The following RGS6 variants were observed in gnomAD, a reference collection of about 807,000 sequenced individuals.
RGS6 encodes regulator of G protein signaling 6.
RGS6 carries 30 observed loss-of-function variants against 78.5 expected under a neutral mutation model. That is an observed-to-expected ratio of 0.38 (90% CI 0.29 to 0.52). RGS6 has a LOEUF of 0.52. Among genes scored for constraint, RGS6 ranks in the 20% least tolerant of loss-of-function variants. The pLI is 0.85. For missense variants in RGS6, 495 were observed against 609.7 expected (o/e 0.81, Z 1.98); for synonymous variants, 206 against 206.0 (o/e 1.00, Z 0.00).
chr14:72,275,759 T>C (rs930778026), intron 2 of RGS6, among the ~76,000 whole-genome samples: 14 of 152,266 alleles, frequency 9.2e-5, no homozygotes, highest in Admixed American at 7.2e-4. Flanking sequence ...TGTGGGTTAT[T>C]TGAGCTTCTA....
chr14:72,170,569 T>C (rs1487631370), intron 2 of RGS6, among the ~76,000 whole-genome samples: 1 of 152,208 alleles, frequency 6.6e-6, no homozygotes, highest in Non-Finnish European at 1.5e-5. Flanking sequence ...CGTTTTCATC[T>C]CTCTTAACTC....
chr14:72,274,100 G>A (rs893205904), intron 2 of RGS6, among the ~76,000 whole-genome samples: 5 of 152,194 alleles, frequency 3.3e-5, no homozygotes, highest in African/African-American at 1.2e-4. Flanking sequence ...ATCTGAGGAA[G>A]GGAGTCATTT....
chr14:72,087,883 A>G (rs1423654685), intron 2 of RGS6, among the ~76,000 whole-genome samples: 1 of 152,190 alleles, frequency 6.6e-6, no homozygotes, highest in African/African-American at 2.4e-5. Flanking sequence ...GGATGAGCTC[A>G]TTCATCACAA....
At chr14:72,143,705 G>C (rs562426756) in intron 2 of RGS6, among the ~76,000 whole-genome samples, 2 of 152,052 alleles carry the variant, frequency 1.3e-5, no homozygotes, top group Non-Finnish European at 2.9e-5. Flanking sequence ...TCTTCTATCA[G>C]AACACGTCTT....
intron 2 of RGS6, among the ~76,000 whole-genome samples, chr14:72,193,198 T>A (rs974511869): frequency 5.3e-5 from 8 of 152,174 alleles, no homozygotes; most frequent in Admixed American, 2.6e-4. Context: ...TTCGCCATGT[T>A]GGCCAGGCTG....
chr14:72,321,909 C>G (rs2152518754), intron 2 of RGS6, among the ~76,000 whole-genome samples: 1 of 151,970 alleles, frequency 6.6e-6, no homozygotes, highest in South Asian at 2.1e-4. Flanking sequence ...TACTTTAGAC[C>G]ACACAGAAAA....
chr14:72,241,060 G>A (rs1370904243), intron 2 of RGS6, among the ~76,000 whole-genome samples: 1 of 151,730 alleles, frequency 6.6e-6, no homozygotes, highest in Non-Finnish European at 1.5e-5. Context: ...GGGAGACTGA[G>A]GCAGGAGAAT....
At chr14:72,592,597 G>T in the RGS6 span, among the ~76,000 whole-genome samples, 2 of 152,042 alleles carry the variant, frequency 1.3e-5, no homozygotes, top group African/African-American at 2.4e-5. Flanking sequence ...AAATGGTCTG[G>T]CTTTTCAAGA....
chr14:72,205,134 T>C (rs2042419750), intron 2 of RGS6, among the ~76,000 whole-genome samples: 1 of 152,210 alleles, frequency 6.6e-6, no homozygotes, highest in African/African-American at 2.4e-5. Flanking sequence ...CAGAGCTTCC[T>C]GTAAGGAAGG....
At chr14:72,103,482 A>G (rs1411880406) in intron 2 of RGS6, among the ~76,000 whole-genome samples, 2 of 152,234 alleles carry the variant, frequency 1.3e-5, no homozygotes, top group Non-Finnish European at 2.9e-5. Flanking sequence ...TTTTGCTCTG[A>G]ATAGCAGCAA....
At chr14:72,219,897 G>A (rs1379183282) in intron 2 of RGS6, among the ~76,000 whole-genome samples, 3 of 151,754 alleles carry the variant, frequency 2.0e-5, no homozygotes, top group Admixed American at 2.0e-4. Context: ...TTTTCTTCCA[G>A]ACGAACATTC....
intron 2 of RGS6, among the ~76,000 whole-genome samples, chr14:72,214,473 A>G (rs1043210069): frequency 6.6e-6 from 1 of 152,376 alleles, no homozygotes; most frequent in Non-Finnish European, 1.5e-5. Context: ...ATTAACAAGA[A>G]TCAAATAATG....
At chr14:72,324,172 A>G (rs888782849) in intron 2 of RGS6, among the ~76,000 whole-genome samples, 74 of 152,140 alleles carry the variant, frequency 4.9e-4, no homozygotes, top group Non-Finnish European at 4.7e-4. Flanking sequence ...AGGAAGCTCT[A>G]TGTAAGTGTC....
At chr14:72,060,270 T>G (rs990957053) in intron 2 of RGS6, among the ~76,000 whole-genome samples, 9 of 152,198 alleles carry the variant, frequency 5.9e-5, no homozygotes, top group African/African-American at 1.2e-4. Flanking sequence ...GTATGTTATA[T>G]AAATAATTTC....
At chr14:72,092,270 C>A (rs566003242) in intron 2 of RGS6, among the ~76,000 whole-genome samples, 1 of 152,040 alleles carries the variant, frequency 6.6e-6, no homozygotes, top group African/African-American at 2.4e-5. Context: ...AGTGATCCAC[C>A]CACTTCGGCC....
intron 2 of RGS6, among the ~76,000 whole-genome samples, chr14:72,297,435 T>A (rs117514992): frequency 0.16 from 23,093 of 146,180 alleles, 1,794 homozygotes; most frequent in Middle Eastern, 0.2. Flanking sequence ...TATTATTTTT[T>A]TTTTATACTT....
intron 2 of RGS6, among the ~76,000 whole-genome samples, chr14:72,178,144 C>A (rs2153694310): frequency 6.6e-6 from 1 of 152,352 alleles, no homozygotes; most frequent in African/African-American, 2.4e-5. Flanking sequence ...GGACCATTTT[C>A]TTCCAGTCAT....
chr14:71,898,063 A>G, the RGS6 span, among the ~76,000 whole-genome samples: 1 of 149,536 alleles, frequency 6.7e-6, no homozygotes, highest in Non-Finnish European at 1.5e-5. Context: ...TGCTATATGT[A>G]TACATTGTGA....
chr14:72,600,761 G>A, the RGS6 span, among the ~76,000 whole-genome samples: 5 of 152,132 alleles, frequency 3.3e-5, no homozygotes, highest in Admixed American at 6.5e-5. Context: ...AGACACCAAG[G>A]GAGTCACAGG....
Sources: gnomAD v4.1 joint callset for allele counts (sites outside exome capture counted in the v4.1 genomes callset) on GRCh38, gnomAD v4.1.1 for gene constraint, MANE v1.5 for transcripts, NCBI Gene and HGNC (gene_info 2026-07-23, HGNC 2026-07-21) for gene names.